The following BPHL variants were observed in gnomAD, a reference collection of about 807,000 sequenced individuals.
BPHL encodes biphenyl hydrolase like.
A neutral mutation model predicts 31.2 loss-of-function variants in BPHL; 27 were observed. The observed-to-expected ratio is 0.87, with a 90% CI of 0.64 to 1.19. The LOEUF (loss-of-function observed/expected upper bound fraction) is 1.19, where lower values mean the gene tolerates loss of function less well. BPHL is among the 50% of genes most tolerant of loss of function. The pLI, the probability that BPHL is intolerant of heterozygous loss-of-function variation, is 0.00. For missense variants in BPHL, 356 were observed against 375.7 expected (o/e 0.95, Z 0.43); for synonymous variants, 150 against 146.8 (o/e 1.02, Z -0.16).
chr6:3,143,590 C>T (rs776940760), intron 6 of BPHL, among the ~76,000 whole-genome samples: 2 of 152,232 alleles, frequency 1.3e-5, no homozygotes, highest in Non-Finnish European at 1.5e-5. Flanking sequence ...GCTGCTCAGA[C>T]GACAGCAGTG....
Position 3,152,708 on chromosome 6 carries a change from G to A in BPHL, c.*133G>A, listed in dbSNP as rs545529419. On this transcript the variant is annotated 3_prime_UTR_variant, in exon 7 of 7. Coordinates refer to ENST00000380379, the MANE Select transcript of BPHL (RefSeq NM_004332.4). ...CCCTTCAATCTTATCCTAACCAAAT[G>A]AGAATAATGACATATTGAAAACAGC... 6 of 745,264 alleles carry A rather than the reference G, an allele frequency of 8.1e-6. No homozygotes were observed. The highest frequency in any genetic ancestry group is 5.8e-5 in the South Asian group (3 of 51,594). The allele number at this position is 745,264 out of a possible 1,614,324, so 46.2% of individuals were successfully genotyped here. A position where few individuals can be genotyped will look rare whatever the true frequency, so the allele number is the denominator to read the frequency against.
chr6:3,120,978 G>A (rs1340934800), intron 1 of BPHL, among the ~76,000 whole-genome samples: 7 of 152,174 alleles, frequency 4.6e-5, no homozygotes, highest in Admixed American at 6.5e-5. Flanking sequence ...TAATGGCCCC[G>A]TGGCCACTTC....
chr6:3,122,019 C>T (rs1479420002), intron 1 of BPHL, among the ~76,000 whole-genome samples: 1 of 152,148 alleles, frequency 6.6e-6, no homozygotes, highest in Non-Finnish European at 1.5e-5. Context: ...ATGGGCCGGG[C>T]CTGTAATCCC....
At chr6:3,145,480 T>TGGTTCGGGGTG (rs1298350168) in intron 6 of BPHL, among the ~76,000 whole-genome samples, 6 of 70,780 alleles carry the variant, frequency 8.5e-5, no homozygotes, top group African/African-American at 2.0e-4. Context: ...GTTTGAATGC[T>TGGTTCGGGGTG]GATTCGGGGT....
At chr6:3,148,226 C>T (rs1024257634) in intron 6 of BPHL, among the ~76,000 whole-genome samples, 9 of 152,286 alleles carry the variant, frequency 5.9e-5, no homozygotes, top group East Asian at 1.9e-4. Context: ...AGGCTGGCAG[C>T]GAGGGATCAG....
chr6:3,119,474 T>C (rs1373705076), intron 1 of BPHL: 4 of 1,614,018 alleles, frequency 2.5e-6, no homozygotes, highest in African/African-American at 1.3e-5. Flanking sequence ...GGAATCTGCT[T>C]TATTCTCTTT....
chr6:3,144,076 T>G (rs1426487170), intron 6 of BPHL, among the ~76,000 whole-genome samples: 1 of 152,210 alleles, frequency 6.6e-6, no homozygotes, highest in East Asian at 1.9e-4. Flanking sequence ...TTCTTCCTCT[T>G]TTTTTGTTTT....
chr6:3,140,644 G>A lies in BPHL; in HGVS notation c.788+135G>A. 7.4e-7 allele frequency: 1 copy of A among 1,353,872 alleles called. No homozygotes were observed. The highest frequency in any genetic ancestry group is 1.0e-6 in the Non-Finnish European group (1 of 989,450). The allele number at this position is 1,353,872 out of a possible 1,614,324, so 83.9% of individuals were successfully genotyped here. On this transcript the variant is annotated intron_variant, in intron 6 of 6. Transcript: ENST00000380379. This position sits in a 1 kb window ranked among gnomAD's most constrained non-coding sequence, Gnocchi z 5.2. ...CCCCTTTTGCCAATGCCAGTCAGTAGCACCGCTTTATTTAGGGTACCACGG... is the reference window on the plus strand; with the variant it reads ...CCCCTTTTGCCAATGCCAGTCAGTAACACCGCTTTATTTAGGGTACCACGG...
chr6:3,118,953 G>A (rs1761473998), intron 1 of BPHL, 106 bp downstream of exon 1: 1 of 966,752 alleles, frequency 1.0e-6, no homozygotes, highest in Non-Finnish European at 1.3e-6. Flanking sequence ...CGGGCACGGG[G>A]CGTGGGCGCG....
intron 4 of BPHL, among the ~76,000 whole-genome samples, chr6:3,133,524 C>T (rs548651936): frequency 6.6e-6 from 1 of 152,184 alleles, no homozygotes; most frequent in Non-Finnish European, 1.5e-5. Context: ...GCCTCTGCCT[C>T]TCCAGGTCCC....
intron 6 of BPHL, among the ~76,000 whole-genome samples, chr6:3,145,221 T>G (rs1423019099): frequency 2.6e-4 from 12 of 46,450 alleles, no homozygotes; most frequent in African/African-American, 1.0e-3. Flanking sequence ...CTGGTTCGGG[T>G]CCGAGTGCTG....
intron 1 of BPHL, chr6:3,119,324 C>A (rs1460140204): frequency 3.2e-6 from 5 of 1,550,740 alleles, no homozygotes; most frequent in Non-Finnish European, 4.4e-6. Context: ...GCTTTAATCA[C>A]GGGTCCCGAG....
intron 6 of BPHL, among the ~76,000 whole-genome samples, chr6:3,142,552 CAT>C (rs1422131149): frequency 1.3e-5 from 2 of 152,094 alleles, no homozygotes; most frequent in African/African-American, 2.4e-5. Context: ...TAGTTTATGA[CAT>C]ATTTATGAAA....
At chr6:3,132,661 T>C (rs1006796418) in intron 4 of BPHL, among the ~76,000 whole-genome samples, 13 of 152,026 alleles carry the variant, frequency 8.6e-5, no homozygotes, top group African/African-American at 3.1e-4. Context: ...CAAGACCCCG[T>C]GTCTACAAAA....
chr6:3,147,569 G>A (rs1456907621), intron 6 of BPHL, among the ~76,000 whole-genome samples: 1 of 151,928 alleles, frequency 6.6e-6, no homozygotes, highest in Non-Finnish European at 1.5e-5. Context: ...GAATAGCTAA[G>A]ACAACACCAT....
chr6:3,134,327 A>C (rs1761949232), intron 4 of BPHL, among the ~76,000 whole-genome samples: 1 of 151,652 alleles, frequency 6.6e-6, no homozygotes, highest in South Asian at 2.1e-4. Context: ...TGTTGCAAGC[A>C]CCTCTTCACA....
At chr6:3,133,651 C>T (rs1761933682) in intron 4 of BPHL, among the ~76,000 whole-genome samples, 2 of 152,166 alleles carry the variant, frequency 1.3e-5, no homozygotes, top group East Asian at 3.9e-4. Context: ...TCCCTTCCCA[C>T]TCCTTCACTT....
chr6:3,137,605 G>T, intron 5 of BPHL, 112 bp downstream of exon 5: 2 of 1,418,200 alleles, frequency 1.4e-6, no homozygotes, highest in Middle Eastern at 2.4e-4. Flanking sequence ...GCCCTCACAC[G>T]CTCATGTGTG....
At chr6:3,138,265 A>G (rs7765391) in intron 5 of BPHL, 180,279 of 239,840 alleles carry the variant, frequency 0.75, 70,228 homozygotes, top group Non-Finnish European at 0.85. Flanking sequence ...TGATCCGCCC[A>G]CCTTGGCCCT....
Sources: gnomAD v4.1 joint callset for allele counts (sites outside exome capture counted in the v4.1 genomes callset) on GRCh38, gnomAD v4.1.1 for gene constraint, Gnocchi (gnomAD v3.1) non-coding constraint, MANE v1.5 for transcripts, NCBI Gene and HGNC (gene_info 2026-07-23, HGNC 2026-07-21) for gene names.